Variants in NOL4 observed in about 807,000 individuals in gnomAD.
NOL4 encodes nucleolar protein 4.
NOL4 carries 17 observed loss-of-function variants against 75.9 expected under a neutral mutation model. That is an observed-to-expected ratio of 0.22 (90% CI 0.15 to 0.34). The LOEUF (loss-of-function observed/expected upper bound fraction) is 0.34, where lower values mean the gene tolerates loss of function less well. Among genes scored for constraint, NOL4 ranks in the 10% least tolerant of loss-of-function variants. The probability of loss-of-function intolerance (pLI) is 1.00; values close to 1 mark genes in which losing one functional copy is unlikely to be tolerated. For synonymous variants in NOL4, 292 were observed against 289.9 expected, an observed-to-expected ratio of 1.01 and a Z score of -0.07; for missense variants, 614 against 793.5, an observed-to-expected ratio of 0.77 and a Z score of 2.72.
At position 34,090,394 on chromosome 18, in the gene NOL4, G is replaced by A. The variant is rs560498701; in HGVS notation, c.772+3071C>T. Among the ~76,000 whole-genome samples, 5 of 152,230 alleles carry A rather than the reference G, an allele frequency of 3.3e-5. No individual in the cohort carries two copies. In the South Asian group the frequency reaches 1.0e-3, roughly 32 times the overall value. On this transcript the variant is annotated intron_variant, in intron 5 of 10. Coordinates refer to ENST00000261592, the MANE Select transcript of NOL4 (RefSeq NM_003787.5). The stretch of plus-strand genomic sequence containing the variant: ...GAGAAAAATAATGCAGTTTCATACA[G>A]TGATAAGTCCTCTGAAGAATGTTAA...
chr18:34,043,809 T>A (rs2076243344), intron 5 of NOL4, among the ~76,000 whole-genome samples: 1 of 152,038 alleles, frequency 6.6e-6, no homozygotes, highest in South Asian at 2.1e-4. Flanking sequence ...CTTCAGTGTG[T>A]TTTCCTCTTT....
chr18:34,132,632 C>G (rs2080706110), intron 1 of NOL4, among the ~76,000 whole-genome samples: 1 of 150,676 alleles, frequency 6.6e-6, no homozygotes, highest in Non-Finnish European at 1.5e-5. Flanking sequence ...ATAAATCAGC[C>G]AAATATCATG....
At chr18:34,106,692 TTCTC>T (rs748877588) in intron 2 of NOL4, among the ~76,000 whole-genome samples, 2 of 151,690 alleles carry the variant, frequency 1.3e-5, no homozygotes, top group Admixed American at 6.6e-5. Flanking sequence ...CTCATTCATT[TTCTC>T]TCTCTTTCCC....
At chr18:33,921,068 C>T (rs888740737) in intron 9 of NOL4, among the ~76,000 whole-genome samples, 1 of 152,158 alleles carries the variant, frequency 6.6e-6, no homozygotes, top group Admixed American at 6.5e-5. Flanking sequence ...GAACTCTGAT[C>T]CATTTTTTCC....
At chr18:33,968,284 C>A (rs2070765482) in intron 6 of NOL4, among the ~76,000 whole-genome samples, 1 of 151,996 alleles carries the variant, frequency 6.6e-6, no homozygotes, top group Non-Finnish European at 1.5e-5. Context: ...TTACTGCATA[C>A]AAGCCCAAGG....
intron 6 of NOL4, among the ~76,000 whole-genome samples, chr18:33,999,546 G>C (rs2073542541): frequency 6.6e-6 from 1 of 152,046 alleles, no homozygotes; most frequent in Non-Finnish European, 1.5e-5. Flanking sequence ...TGGAGTACCT[G>C]TGTGAGCTGG....
At chr18:34,117,384 G>C (rs1418444148) in intron 2 of NOL4, among the ~76,000 whole-genome samples, 1 of 152,144 alleles carries the variant, frequency 6.6e-6, no homozygotes, top group Non-Finnish European at 1.5e-5. Flanking sequence ...GATAGAGACT[G>C]TTTCATCCAT....
At chr18:33,948,857 T>C (rs1044483293) in intron 8 of NOL4, among the ~76,000 whole-genome samples, 1 of 152,034 alleles carries the variant, frequency 6.6e-6, no homozygotes, top group Non-Finnish European at 1.5e-5. Flanking sequence ...ACATAGGTTA[T>C]AACTTTATAA....
chr18:34,112,725 T>C (rs2079656279), intron 2 of NOL4, among the ~76,000 whole-genome samples: 1 of 152,068 alleles, frequency 6.6e-6, no homozygotes, highest in Admixed American at 6.6e-5. Context: ...TGAGGAGATA[T>C]TGGTCAAAGG....
chr18:33,983,991 A>T (rs898864409), intron 6 of NOL4, among the ~76,000 whole-genome samples: 4 of 152,144 alleles, frequency 2.6e-5, no homozygotes, highest in Non-Finnish European at 5.9e-5. Flanking sequence ...CTTGCACATA[A>T]TTTGAGACAG....
At chr18:34,138,839 G>T (rs989309975) in intron 1 of NOL4, among the ~76,000 whole-genome samples, 7 of 152,074 alleles carry the variant, frequency 4.6e-5, no homozygotes, top group African/African-American at 1.4e-4. Flanking sequence ...TTATTATTTT[G>T]AGATATGTCC....
At chr18:34,049,967 CT>C (rs2076563468) in intron 5 of NOL4, among the ~76,000 whole-genome samples, 1 of 152,086 alleles carries the variant, frequency 6.6e-6, no homozygotes, top group Admixed American at 6.6e-5. Context: ...TAACTAGAAT[CT>C]CATTATTGCA....
rs560499222 is a variant in NOL4, at chr18:34,136,659, T to C, written c.265-6639A>G. Among the ~76,000 whole-genome samples the C allele has an allele frequency of 5.9e-5, 9 of 152,230 alleles. No homozygotes were observed. The South Asian group carries it at 1.9e-3, about 32-fold the overall frequency. On this transcript the variant is annotated intron_variant, in intron 1 of 10. Coordinates refer to ENST00000261592, the MANE Select transcript of NOL4 (RefSeq NM_003787.5). The stretch of plus-strand genomic sequence containing the variant: ...AGGTGTAAGACTTATACACTGAACA[T>C]TATAAAACATTGCTGAAAATATTTA...
intron 1 of NOL4, among the ~76,000 whole-genome samples, chr18:34,132,436 A>G (rs1372575280): frequency 1.3e-5 from 2 of 152,202 alleles, no homozygotes; most frequent in Non-Finnish European, 2.9e-5. Context: ...AACAGTCAAC[A>G]TTGTCTCAAG....
chr18:34,053,390 A>T (rs1160861483), intron 5 of NOL4, among the ~76,000 whole-genome samples: 2 of 152,030 alleles, frequency 1.3e-5, no homozygotes, highest in Non-Finnish European at 2.9e-5. Context: ...AAGAGCTTTT[A>T]TGAGGAGTCC....
chr18:33,884,409 C>A (rs1266534962), intron 9 of NOL4, among the ~76,000 whole-genome samples: 1 of 152,042 alleles, frequency 6.6e-6, no homozygotes, highest in African/African-American at 2.4e-5. Flanking sequence ...TTTGTTTGCT[C>A]ATTTTTAAGC....
chr18:34,173,615 T>C (rs2033261898), intron 1 of NOL4, among the ~76,000 whole-genome samples: 1 of 152,154 alleles, frequency 6.6e-6, no homozygotes. Flanking sequence ...AAAAATCAAT[T>C]TCCCTCTGTA....
At chr18:34,028,492 CCACA>C (rs1365987801) in intron 5 of NOL4, among the ~76,000 whole-genome samples, 2 of 152,330 alleles carry the variant, frequency 1.3e-5, no homozygotes, top group East Asian at 3.9e-4. Flanking sequence ...GCATTGATAG[CCACA>C]CAACTAGCCC....
At chr18:34,168,568 G>C (rs960852601) in intron 1 of NOL4, among the ~76,000 whole-genome samples, 1 of 150,952 alleles carries the variant, frequency 6.6e-6, no homozygotes, top group African/African-American at 2.4e-5. Context: ...AAGGATAATT[G>C]ATATTTATGT....
Sources: gnomAD v4.1 joint callset for allele counts (sites outside exome capture counted in the v4.1 genomes callset) on GRCh38, gnomAD v4.1.1 for gene constraint, MANE v1.5 for transcripts, NCBI Gene and HGNC (gene_info 2026-07-23, HGNC 2026-07-21) for gene names.